The following SYNRG variants were observed in gnomAD, a reference collection of about 807,000 sequenced individuals.
The protein encoded by SYNRG is synergin gamma, also known as AP1 gamma subunit binding protein 1.
Under a neutral mutation model 130.9 loss-of-function variants are expected in SYNRG, and 37 were observed. The ratio of observed to expected loss-of-function variants is 0.28; its 90% CI spans 0.22 to 0.37. The LOEUF is 0.37. SYNRG is among the 10% of genes least tolerant of loss of function. The pLI, the probability that SYNRG is intolerant of heterozygous loss-of-function variation, is 1.00. For synonymous variants in SYNRG, 539 were observed against 568.1 expected (o/e 0.95, Z 0.73); for missense variants, 1,338 against 1,588.9 (o/e 0.84, Z 2.68).
At chr17:37,519,312 T>C (rs1344931494) in intron 21 of SYNRG, among the ~76,000 whole-genome samples, 2 of 151,928 alleles carry the variant, frequency 1.3e-5, no homozygotes, top group Non-Finnish European at 2.9e-5. Flanking sequence ...AAATCTTCCA[T>C]GGAAAAGGCA....
chr17:37,578,032 G>A (rs117988270), intron 6 of SYNRG, among the ~76,000 whole-genome samples: 5,432 of 150,360 alleles, frequency 0.036, 140 homozygotes, highest in Non-Finnish European at 0.05. Flanking sequence ...GCCCTGCCAC[G>A]TATAATGTAA....
chr17:37,563,905 C>T (rs896155692), intron 11 of SYNRG, among the ~76,000 whole-genome samples: 16 of 151,046 alleles, frequency 1.1e-4, no homozygotes, highest in African/African-American at 3.9e-4. Context: ...AGTGCAGTGG[C>T]GTGATCTTGG....
Position 37,585,323 on chromosome 17 carries a change from A to G in SYNRG, c.477+2T>C. On this transcript the variant is annotated splice_donor_variant, in intron 5 of 21. Coordinates refer to ENST00000612223, the MANE Select transcript of SYNRG (RefSeq NM_007247.6). LOFTEE classifies it high-confidence loss of function. ...GGGTGAAGAGAAGTATTGAAATACT[A>G]CCTTGGGTTTCACACTGCTCAAAAG... 2.5e-6 allele frequency: 4 copies of G among 1,610,864 alleles called. No individual in the cohort carries two copies. The highest frequency in any genetic ancestry group is 3.4e-6 in the Non-Finnish European group (4 of 1,178,414).
chr17:37,521,677 G>C (rs1319517423), intron 19 of SYNRG, among the ~76,000 whole-genome samples: 2 of 152,168 alleles, frequency 1.3e-5, no homozygotes, highest in Non-Finnish European at 1.5e-5. Context: ...CAATCCTCAG[G>C]GCACAGGCCT....
In SYNRG at chr17:37,571,032, A is replaced by T. The variant is rs142448369; in HGVS notation, c.1099-147T>A. On this transcript the variant is annotated intron_variant, in intron 9 of 21. Transcript: ENST00000612223. ...CTCATGAATTTGATTTAAGAAAAAAAGTTACAAGGTCAATGCAAACCTAAT... is the reference window on the plus strand; with the variant it reads ...CTCATGAATTTGATTTAAGAAAAAATGTTACAAGGTCAATGCAAACCTAAT... 1.7e-4 allele frequency: 186 copies of T among 1,078,894 alleles called. 1 individual carries two copies. In the East Asian group the frequency reaches 4.6e-3, roughly 27 times the overall value. 66.8% of individuals were successfully genotyped at this position (1,078,894 alleles called of 1,614,324 possible). A position where few individuals can be genotyped will look rare whatever the true frequency, so the allele number is the denominator to read the frequency against.
At chr17:37,575,769 G>A (rs556135447) in intron 8 of SYNRG, among the ~76,000 whole-genome samples, 169 of 151,412 alleles carry the variant, frequency 1.1e-3, no homozygotes, top group South Asian at 8.6e-3. Context: ...CTGAGCCTGG[G>A]GAGGTCAAGG....
intron 2 of SYNRG, among the ~76,000 whole-genome samples, chr17:37,597,950 G>C (rs1267889181): frequency 6.6e-6 from 1 of 152,174 alleles, no homozygotes; most frequent in Non-Finnish European, 1.5e-5. Context: ...TTATCTTATG[G>C]TTTTTGTGTA....
chr17:37,539,790 T>C (rs1490191635), intron 16 of SYNRG, among the ~76,000 whole-genome samples: 1 of 152,246 alleles, frequency 6.6e-6, no homozygotes, highest in Non-Finnish European at 1.5e-5. Context: ...CTGTGAGTGT[T>C]GCCTCATTTG....
chr17:37,588,490 T>C (rs1444853334), intron 3 of SYNRG, among the ~76,000 whole-genome samples: 1 of 152,156 alleles, frequency 6.6e-6, no homozygotes, highest in Non-Finnish European at 1.5e-5. Context: ...CTCGAATTCC[T>C]GACCTCAAGT....
intron 6 of SYNRG, chr17:37,579,495 T>C: frequency 8.2e-7 from 1 of 1,216,220 alleles, no homozygotes; most frequent in Non-Finnish European, 1.1e-6. Context: ...GAAAAAGGAA[T>C]TAAGATGTAG....
At chr17:37,555,623 G>A (rs553275667) in intron 13 of SYNRG, among the ~76,000 whole-genome samples, 3 of 152,246 alleles carry the variant, frequency 2.0e-5, no homozygotes, top group South Asian at 2.1e-4. Flanking sequence ...TGCCAAGGCC[G>A]AACACAGTGG....
intron 19 of SYNRG, chr17:37,529,954 TA>T: frequency 2.0e-6 from 2 of 1,016,990 alleles, no homozygotes; most frequent in Non-Finnish European, 1.5e-6. Context: ...CAAAGAACCT[TA>T]AAATCTAAAT....
chr17:37,555,407 G>A (rs956520810), intron 13 of SYNRG, among the ~76,000 whole-genome samples: 1 of 152,170 alleles, frequency 6.6e-6, no homozygotes. Context: ...GATTACAGGC[G>A]TGAGCTACAG....
chr17:37,524,840 G>T (rs942555166), intron 19 of SYNRG, among the ~76,000 whole-genome samples: 8 of 152,168 alleles, frequency 5.3e-5, no homozygotes, highest in African/African-American at 1.9e-4. Flanking sequence ...TTAAAACATA[G>T]TATCATCTCT....
chr17:37,525,523 C>G (rs2143989884), intron 19 of SYNRG, among the ~76,000 whole-genome samples: 1 of 152,284 alleles, frequency 6.6e-6, no homozygotes, highest in Admixed American at 6.5e-5. Context: ...TTGCCACAGT[C>G]AATAACTAAG....
At chr17:37,590,398 T>C (rs974345214) in intron 3 of SYNRG, among the ~76,000 whole-genome samples, 1 of 152,114 alleles carries the variant, frequency 6.6e-6, no homozygotes, top group African/African-American at 2.4e-5. Flanking sequence ...GAATATATAA[T>C]GAACACTCAG....
At chr17:37,519,142 C>T (rs2054666412) in intron 21 of SYNRG, 71 bp from the exon 22 acceptor site, 12 of 1,575,478 alleles carry the variant, frequency 7.6e-6, no homozygotes, top group Middle Eastern at 3.4e-4. Context: ...CAGCAACCAA[C>T]ATGTACATCT....
chr17:37,556,738 C>G (rs560990085), intron 13 of SYNRG, among the ~76,000 whole-genome samples: 56 of 152,214 alleles, frequency 3.7e-4, no homozygotes, highest in African/African-American at 1.3e-3. Flanking sequence ...CACAAACTGA[C>G]AGAAGATGTA....
In SYNRG at chr17:37,516,200, A is replaced by G. The variant is rs2054413155; in HGVS notation, c.*2740T>C. On this transcript the variant is annotated 3_prime_UTR_variant, in exon 22 of 22. Transcript: ENST00000612223. Reference sequence around the variant, plus strand: ...TATGGAAATAAGTAACCTTGGCTACAGTTTCCAAGGACACGGGGCTCCTGG... The same window carrying G: ...TATGGAAATAAGTAACCTTGGCTACGGTTTCCAAGGACACGGGGCTCCTGG... 1 of 152,230 alleles carries G rather than the reference A, an allele frequency of 6.6e-6. No individual in the cohort carries two copies. Among genetic ancestry groups the G allele is most frequent in the South Asian group, 2.1e-4 (1 of 4,830 alleles). The allele number at this position is 152,230 out of a possible 1,614,324, so 9.4% of individuals were successfully genotyped here.
Sources: gnomAD v4.1 joint callset for allele counts (sites outside exome capture counted in the v4.1 genomes callset) on GRCh38, gnomAD v4.1.1 for gene constraint, MANE v1.5 for transcripts, NCBI Gene and HGNC (gene_info 2026-07-23, HGNC 2026-07-21) for gene names.